PHKB: variants seen among roughly 807,000 people sequenced by gnomAD.
The protein encoded by PHKB is phosphorylase b kinase regulatory subunit beta.
A neutral mutation model predicts 152.1 loss-of-function variants in PHKB; 122 were observed. The ratio of observed to expected loss-of-function variants is 0.80; its 90% CI spans 0.69 to 0.93. PHKB has a LOEUF of 0.93. PHKB is among the 40% of genes least tolerant of loss of function. PHKB has a pLI of 0.00. For missense variants in PHKB, 1,304 were observed against 1,328.4 expected, an observed-to-expected ratio of 0.98 and a Z score of 0.29; for synonymous variants, 436 against 464.9, an observed-to-expected ratio of 0.94 and a Z score of 0.80.
intron 28 of PHKB, among the ~76,000 whole-genome samples, chr16:47,695,347 A>G (rs1325047569): frequency 2.6e-5 from 4 of 152,204 alleles, no homozygotes; most frequent in Non-Finnish European, 5.9e-5. Context: ...GCCCATTGCT[A>G]GAGATCTAGC....
chr16:47,658,901 G>A (rs1973388123), intron 20 of PHKB, among the ~76,000 whole-genome samples: 1 of 151,054 alleles, frequency 6.6e-6, no homozygotes, highest in Non-Finnish European at 1.5e-5. Flanking sequence ...ACAGTTTCAA[G>A]AAGGCAAGAA....
intron 7 of PHKB, among the ~76,000 whole-genome samples, chr16:47,551,786 G>C (rs545389878): frequency 6.6e-6 from 1 of 152,108 alleles, no homozygotes; most frequent in African/African-American, 2.4e-5. Flanking sequence ...TTTCTGTCTC[G>C]TTATTTGTCT....
chr16:47,616,365 G>C (rs1972513989), intron 14 of PHKB, among the ~76,000 whole-genome samples: 1 of 151,088 alleles, frequency 6.6e-6, no homozygotes, highest in Non-Finnish European at 1.5e-5. Flanking sequence ...GTGAGGCATA[G>C]AGCCAGCTTC....
At chr16:47,563,090 A>G (rs1207712506) in intron 7 of PHKB, among the ~76,000 whole-genome samples, 1 of 151,688 alleles carries the variant, frequency 6.6e-6, no homozygotes, top group African/African-American at 2.4e-5. Context: ...TGCTATTTCC[A>G]CCACATCTGC....
intron 4 of PHKB, among the ~76,000 whole-genome samples, chr16:47,508,890 T>A (rs1970463231): frequency 1.3e-5 from 2 of 152,188 alleles, no homozygotes; most frequent in Admixed American, 1.3e-4. Context: ...AATTTTAAAT[T>A]ACTTGTCTTT....
At chr16:47,523,849 C>A (rs1488790419) in intron 6 of PHKB, among the ~76,000 whole-genome samples, 5 of 152,200 alleles carry the variant, frequency 3.3e-5, no homozygotes, top group African/African-American at 1.2e-4. Context: ...TGCCTGTGTT[C>A]AAGGAGCTGT....
At position 47,580,378 on chromosome 16, in the gene PHKB, G is replaced by A; in HGVS notation, c.774+20G>A. On this transcript the variant is annotated intron_variant, in intron 8 of 30. Transcript: ENST00000323584. ...AACCAGGTAAAAAATAAGACCCCCA[G>A]AATCTTTGATTATTTGAATTGCACA... The A allele has an allele frequency of 6.5e-7, 1 of 1,542,382 alleles. No homozygotes were observed. The highest frequency in any genetic ancestry group is 1.7e-5 in the Admixed American group (1 of 59,892).
At chr16:47,542,635 T>A (rs1971080989) in intron 6 of PHKB, among the ~76,000 whole-genome samples, 1 of 152,234 alleles carries the variant, frequency 6.6e-6, no homozygotes. Context: ...TCCATGAGCA[T>A]GGAATGTTCC....
intron 14 of PHKB, among the ~76,000 whole-genome samples, chr16:47,616,292 T>A (rs1393239594): frequency 1.3e-5 from 2 of 151,868 alleles, no homozygotes; most frequent in African/African-American, 4.8e-5. Context: ...CTTCTAAGAA[T>A]TTTATAGTTT....
chr16:47,625,633 A>G (rs1191541091), intron 14 of PHKB, among the ~76,000 whole-genome samples: 1 of 152,122 alleles, frequency 6.6e-6, no homozygotes, highest in Non-Finnish European at 1.5e-5. Context: ...ACACCCTCTA[A>G]GAGTTACTTT....
At chr16:47,638,683 T>A (rs909412168) in intron 14 of PHKB, among the ~76,000 whole-genome samples, 1 of 152,240 alleles carries the variant, frequency 6.6e-6, no homozygotes, top group Non-Finnish European at 1.5e-5. Flanking sequence ...CTGTTATCCA[T>A]CTCTCCTAGT....
At chr16:47,527,958 G>C (rs1330255395) in intron 6 of PHKB, among the ~76,000 whole-genome samples, 40 of 152,184 alleles carry the variant, frequency 2.6e-4, no homozygotes, top group Non-Finnish European at 2.9e-5. Flanking sequence ...CCCACTGTCA[G>C]AACTGTGGAA....
At chr16:47,691,436 G>A (rs1279812580) in intron 27 of PHKB, among the ~76,000 whole-genome samples, 2 of 152,194 alleles carry the variant, frequency 1.3e-5, no homozygotes, top group Non-Finnish European at 2.9e-5. Context: ...CAGGCACGAT[G>A]GCTCACACCT....
chr16:47,638,576 G>A (rs1337188497), intron 14 of PHKB, among the ~76,000 whole-genome samples: 5 of 152,152 alleles, frequency 3.3e-5, no homozygotes, highest in African/African-American at 1.2e-4. Flanking sequence ...AGTATATCAT[G>A]TCCTTCAGTC....
chr16:47,605,436 A>C (rs958621683), intron 13 of PHKB, among the ~76,000 whole-genome samples: 1 of 152,214 alleles, frequency 6.6e-6, no homozygotes, highest in Non-Finnish European at 1.5e-5. Context: ...CTTTACAAGG[A>C]TATAAGGTTT....
chr16:47,677,684 A>C (rs1973758745), intron 26 of PHKB, among the ~76,000 whole-genome samples: 1 of 152,136 alleles, frequency 6.6e-6, no homozygotes, highest in South Asian at 2.1e-4. Context: ...ATCACACTGG[A>C]GTTAGGGCTT....
At position 47,591,021 on chromosome 16, in the gene PHKB, G is replaced by A. The variant is rs1229895592; in HGVS notation, c.1068+1919G>A. Reference sequence around the variant, plus strand: ...CACAGAAGGAGCTCTCTGTTCTAAGGCTAACCCATCCTGTGTATACCCCAT... The same window carrying A: ...CACAGAAGGAGCTCTCTGTTCTAAGACTAACCCATCCTGTGTATACCCCAT... On this transcript the variant is annotated intron_variant, in intron 10 of 30. Coordinates refer to ENST00000323584, the MANE Select transcript of PHKB (RefSeq NM_000293.3). 2.0e-5 allele frequency among the ~76,000 whole-genome samples: 3 copies of A among 151,962 alleles called. No homozygotes were observed. In the East Asian group the frequency reaches 5.8e-4, roughly 29 times the overall value.
At chr16:47,604,459 G>A (rs1349844235) in intron 13 of PHKB, among the ~76,000 whole-genome samples, 2 of 151,916 alleles carry the variant, frequency 1.3e-5, no homozygotes. Flanking sequence ...GGAATTTTCT[G>A]GTATAATATG....
intron 4 of PHKB, among the ~76,000 whole-genome samples, chr16:47,510,149 A>G (rs772967147): frequency 6.6e-6 from 1 of 152,164 alleles, no homozygotes; most frequent in Non-Finnish European, 1.5e-5. Context: ...TCTGGGGTGC[A>G]TTACCCTCTT....
Sources: allele counts gnomAD v4.1 joint callset (sites outside exome capture counted in the v4.1 genomes callset), GRCh38; gene constraint gnomAD v4.1.1; transcripts MANE v1.5; gene names NCBI Gene and HGNC (gene_info 2026-07-23, HGNC 2026-07-21).